The following TXLNG variants were observed in gnomAD, a reference collection of about 807,000 sequenced individuals.
TXLNG encodes the protein taxilin gamma, also known as gamma-taxilin.
Under a neutral mutation model 38.8 loss-of-function variants are expected in TXLNG, and 5 were observed. That is an observed-to-expected ratio of 0.13 (90% confidence interval 0.07 to 0.27). The LOEUF is 0.27. TXLNG is among the 10% of genes least tolerant of loss of function. The pLI, the probability that TXLNG is intolerant of heterozygous loss-of-function variation, is 1.00. For synonymous variants in TXLNG, 182 were observed against 158.2 expected, an observed-to-expected ratio of 1.15 and a Z score of -1.13; for missense variants, 393 against 398.2, an observed-to-expected ratio of 0.99 and a Z score of 0.11.
chrX:16,799,131 G>A (rs1451330362), intron 1 of TXLNG, among the ~76,000 whole-genome samples: 2 of 110,413 alleles, frequency 1.8e-5, no homozygotes, highest in Non-Finnish European at 1.9e-5. Flanking sequence ...CGCGCACCTC[G>A]GCTTCCCAAA....
chrX:16,821,862 C>T (rs1226386216), intron 3 of TXLNG, among the ~76,000 whole-genome samples: 15 of 107,497 alleles, frequency 1.4e-4, no homozygotes, highest in Non-Finnish European at 2.3e-4. Flanking sequence ...GGCATGGTGG[C>T]AGGCGCCTGT....
At chrX:16,796,357 C>T (rs915395798) in intron 1 of TXLNG, among the ~76,000 whole-genome samples, 3 of 111,216 alleles carry the variant, frequency 2.7e-5, no homozygotes, top group Non-Finnish European at 5.7e-5. Flanking sequence ...AGAGAGTATG[C>T]CCTTTACAGA....
At chrX:16,811,324 A>G (rs1396604950) in intron 1 of TXLNG, among the ~76,000 whole-genome samples, 2 of 111,719 alleles carry the variant, frequency 1.8e-5, no homozygotes, top group African/African-American at 6.5e-5. Context: ...GACACCACCT[A>G]TTATTCTGCA....
intron 7 of TXLNG, among the ~76,000 whole-genome samples, chrX:16,836,793 C>T (rs1486797042): frequency 8.9e-6 from 1 of 111,772 alleles, no homozygotes; most frequent in Non-Finnish European, 1.9e-5. Flanking sequence ...TACTTTATTC[C>T]TCTGGGTCTC....
At position 16,841,290 on chromosome X, in the gene TXLNG, T is replaced by C. The variant is rs1362412171; in HGVS notation, c.1249-138T>C. On this transcript the variant is annotated intron_variant, in intron 9 of 9. Transcript: ENST00000380122. ...TAGTTATGGGTGCAGTCATGCTAGCTAGCTAGAATGTTAGGAGGCTGAAGA... is the reference window on the plus strand; with the variant it reads ...TAGTTATGGGTGCAGTCATGCTAGCCAGCTAGAATGTTAGGAGGCTGAAGA... The C allele has an allele frequency of 1.2e-4, 62 of 497,085 alleles. No individual in the cohort carries two copies. The East Asian group carries it at 2.2e-3, about 18-fold the overall frequency. 41.0% of individuals were successfully genotyped at this position (497,085 alleles called of 1,213,427 possible).
chrX:16,839,829 G>T lies in TXLNG; in HGVS notation c.1161G>T (p.Lys387Asn). ...TFRQEMEKMT[K>N]KIKKLEKETI... ...TGCAATTGTATTCACAGATGACAAA[G>T]AAAATTAAAAAACTGGAAAAAGAAA... Residue 387 changes from lysine (K) to asparagine (N), a missense_variant, in exon 9 of 10, where the codon AAG (lysine) becomes AAT (asparagine). Coordinates refer to ENST00000380122, the MANE Select transcript of TXLNG (RefSeq NM_018360.3). 3.4e-6 allele frequency: 4 copies of T among 1,189,578 alleles called. No homozygotes were observed. The highest frequency in any genetic ancestry group is 4.5e-6 in the Non-Finnish European group (4 of 881,351).
chrX:16,799,063 G>A (rs1403829530), intron 1 of TXLNG, among the ~76,000 whole-genome samples: 1 of 110,166 alleles, frequency 9.1e-6, no homozygotes, highest in Non-Finnish European at 1.9e-5. Flanking sequence ...ATTTTTAGTA[G>A]AGATGGGGTT....
intron 5 of TXLNG, among the ~76,000 whole-genome samples, chrX:16,830,133 C>G (rs2147492514): frequency 9.1e-6 from 1 of 110,389 alleles, no homozygotes; most frequent in African/African-American, 3.3e-5. Flanking sequence ...ATGATAATCT[C>G]TACAGTATCC....
At chrX:16,824,442 G>A (rs763044354) in intron 3 of TXLNG, among the ~76,000 whole-genome samples, 1 of 111,861 alleles carries the variant, frequency 8.9e-6, no homozygotes, top group African/African-American at 3.2e-5. Context: ...AGGCTTAAAT[G>A]TCAAAAATTA....
In TXLNG at chrX:16,841,573, T is replaced by A; in HGVS notation, c.1394T>A (p.Ile465Asn). The A allele has an allele frequency of 1.7e-5, 21 of 1,211,314 alleles. No individual in the cohort carries two copies. Among genetic ancestry groups the A allele is most frequent in the Non-Finnish European group, 2.2e-5 (20 of 895,425 alleles). Residue 465 changes from isoleucine (I) to asparagine (N), a missense_variant, in exon 10 of 10, where the codon ATC becomes AAC. By Grantham distance (149) the Ile-to-Asn change is moderately radical. Transcript: ENST00000380122. ...GAGCAGGTATCCATCAAAGCGGCCA[T>A]CAAAGCGGCGAACAGGGATTTAGCA... ...LKEQVSIKAA[I>N]KAANRDLATP...
At chrX:16,807,577 T>A (rs916904011) in intron 1 of TXLNG, among the ~76,000 whole-genome samples, 1 of 111,340 alleles carries the variant, frequency 9.0e-6, no homozygotes, top group Non-Finnish European at 1.9e-5. Context: ...TTAAATGGGG[T>A]CACTTTGAGA....
chrX:16,830,604 TAA>T (rs1227790659), intron 5 of TXLNG, among the ~76,000 whole-genome samples: 1 of 95,965 alleles, frequency 1.0e-5, no homozygotes, highest in Non-Finnish European at 2.1e-5. Flanking sequence ...TGATTCAAAT[TAA>T]AAAAAAAAAA....
chrX:16,834,850 G>GT (rs1569272417), intron 7 of TXLNG, among the ~76,000 whole-genome samples: 1 of 112,546 alleles, frequency 8.9e-6, no homozygotes, highest in African/African-American at 3.2e-5. Flanking sequence ...TATCTTTAGA[G>GT]TTTTGTGCTA....
chrX:16,820,863 G>A (rs1454300287), intron 3 of TXLNG, among the ~76,000 whole-genome samples: 1 of 111,342 alleles, frequency 9.0e-6, no homozygotes, highest in Non-Finnish European at 1.9e-5. Context: ...CCACCTCCCG[G>A]GTTCACGCCA....
intron 1 of TXLNG, among the ~76,000 whole-genome samples, chrX:16,801,279 G>A (rs1323586176): frequency 9.0e-6 from 1 of 111,531 alleles, no homozygotes; most frequent in Non-Finnish European, 1.9e-5. Context: ...TCCACCTCCC[G>A]GGTTCATGCA....
chrX:16,800,437 G>A (rs957991069), intron 1 of TXLNG, among the ~76,000 whole-genome samples: 1 of 109,968 alleles, frequency 9.1e-6, no homozygotes, highest in African/African-American at 3.3e-5. Context: ...GTTTAGAGGC[G>A]GAGTGTTGCT....
rs1373516113 is a variant in TXLNG at position 16,842,323 on chromosome X, C to T, written c.*557C>T. On this transcript the variant is annotated 3_prime_UTR_variant, in exon 10 of 10. Transcript: ENST00000380122. ...ATATCTCGGGACAAATTGAGATGGCCACATGCCTAGAATCCTAAGTTTCGG... is the reference window on the plus strand; with the variant it reads ...ATATCTCGGGACAAATTGAGATGGCTACATGCCTAGAATCCTAAGTTTCGG... The T allele has an allele frequency of 2.7e-5, 3 of 111,876 alleles. No homozygotes were observed. The highest frequency in any genetic ancestry group is 6.5e-5 in the African/African-American group (2 of 30,608). The allele number at this position is 111,876 out of a possible 1,213,427, so 9.2% of individuals were successfully genotyped here.
intron 4 of TXLNG, among the ~76,000 whole-genome samples, chrX:16,829,314 G>A (rs1013851682): frequency 9.0e-6 from 1 of 111,605 alleles, no homozygotes; most frequent in Non-Finnish European, 1.9e-5. Context: ...TAACCGGCGA[G>A]TATTGCAGTA....
At chrX:16,800,338 T>C (rs1330655086) in intron 1 of TXLNG, among the ~76,000 whole-genome samples, 1 of 111,128 alleles carries the variant, frequency 9.0e-6, no homozygotes, top group Non-Finnish European at 1.9e-5. Context: ...CGCTGCAGCC[T>C]CCACCTCCCA....
Sources: allele counts gnomAD v4.1 joint callset (sites outside exome capture counted in the v4.1 genomes callset), GRCh38; gene constraint gnomAD v4.1.1; transcripts MANE v1.5; gene names NCBI Gene and HGNC (gene_info 2026-07-23, HGNC 2026-07-21).